Variants in EDN1 observed in about 807,000 individuals in gnomAD.
EDN1 encodes endothelin-1.
A neutral mutation model predicts 21.7 loss-of-function variants in EDN1; 11 were observed. That is an observed-to-expected ratio of 0.51 (90% CI 0.32 to 0.84). EDN1 has a LOEUF of 0.84. Among genes scored for constraint, EDN1 ranks in the 40% least tolerant of loss-of-function variants. EDN1 has a pLI of 0.03. For synonymous variants in EDN1, 85 were observed against 90.6 expected, an observed-to-expected ratio of 0.94 and a Z score of 0.35; for missense variants, 244 against 262.3, an observed-to-expected ratio of 0.93 and a Z score of 0.48.
the EDN1 span, among the ~76,000 whole-genome samples, chr6:12,244,197 T>A: frequency 6.6e-6 from 1 of 152,144 alleles, no homozygotes; most frequent in Non-Finnish European, 1.5e-5. Context: ...CAATACAAAT[T>A]AAATAAATTA....
chr6:12,275,734 T>C, the EDN1 span, among the ~76,000 whole-genome samples: 2 of 152,126 alleles, frequency 1.3e-5, no homozygotes, highest in African/African-American at 4.8e-5. Flanking sequence ...TCTCCCTTCT[T>C]AATTAGCTGG....
chr6:12,268,140 C>T, the EDN1 span, among the ~76,000 whole-genome samples: 1 of 152,126 alleles, frequency 6.6e-6, no homozygotes, highest in Admixed American at 6.5e-5. Flanking sequence ...TTAATGTTTT[C>T]CTACCTGCTA....
At chr6:12,295,109 T>G (rs996367748) in intron 4 of EDN1, among the ~76,000 whole-genome samples, 1 of 152,140 alleles carries the variant, frequency 6.6e-6, no homozygotes, top group Non-Finnish European at 1.5e-5. Flanking sequence ...CTTTTTGGAA[T>G]TCACAAGCTC....
At chr6:12,287,488 C>T (rs1241233166), upstream of EDN1, among the ~76,000 whole-genome samples, 1 of 152,010 alleles carries the variant, frequency 6.6e-6, no homozygotes, top group East Asian at 1.9e-4. Flanking sequence ...TGGGAGGCTG[C>T]CTGGCAGTGC....
chr6:12,285,419 C>A (rs913499373), upstream of EDN1, among the ~76,000 whole-genome samples: 3 of 152,060 alleles, frequency 2.0e-5, no homozygotes, highest in African/African-American at 7.2e-5. Context: ...TGAAAGTTAT[C>A]TTGAAAGTAA....
intron 1 of EDN1, among the ~76,000 whole-genome samples, 165 bp from the exon 2 acceptor site, chr6:12,292,176 G>A (rs1181828750): frequency 1.3e-5 from 2 of 152,164 alleles, no homozygotes; most frequent in African/African-American, 4.8e-5. Flanking sequence ...TCATGTTAAG[G>A]AGGGAAAAAA....
At chr6:12,250,425 A>T in the EDN1 span, among the ~76,000 whole-genome samples, 1 of 152,170 alleles carries the variant, frequency 6.6e-6, no homozygotes, top group African/African-American at 2.4e-5. Flanking sequence ...TATCTTCAGA[A>T]TCCATTTATT....
chr6:12,244,461 G>A, the EDN1 span, among the ~76,000 whole-genome samples: 77 of 152,318 alleles, frequency 5.1e-4, no homozygotes, highest in African/African-American at 1.7e-3. Flanking sequence ...TCAAAGTTTT[G>A]CTTGAAGGTT....
At chr6:12,240,942 A>C in the EDN1 span, among the ~76,000 whole-genome samples, 2 of 152,118 alleles carry the variant, frequency 1.3e-5, no homozygotes, top group South Asian at 4.1e-4. Context: ...AGGGAGATGG[A>C]ACATCAAGGT....
the EDN1 span, among the ~76,000 whole-genome samples, chr6:12,234,073 T>A: frequency 6.6e-6 from 1 of 152,224 alleles, no homozygotes; most frequent in Non-Finnish European, 1.5e-5. Flanking sequence ...CCTATACATC[T>A]GTATCAGGGT....
chr6:12,287,177 T>TG (rs1762569933), upstream of EDN1, among the ~76,000 whole-genome samples: 1 of 135,552 alleles, frequency 7.4e-6, no homozygotes, highest in African/African-American at 3.1e-5. Flanking sequence ...AACTTTCTAT[T>TG]GGGGAAAAAA....
the EDN1 span, among the ~76,000 whole-genome samples, chr6:12,258,449 C>CTAAAA: frequency 1.6e-5 from 1 of 63,658 alleles, no homozygotes; most frequent in Non-Finnish European, 3.1e-5. Context: ...GATCATGTCT[C>CTAAAA]AAAAAAAAAA....
chr6:12,277,821 C>A, the EDN1 span, among the ~76,000 whole-genome samples: 1 of 152,196 alleles, frequency 6.6e-6, no homozygotes, highest in Non-Finnish European at 1.5e-5. Context: ...GGAAATGGAA[C>A]CTGGGGAATG....
the EDN1 span, among the ~76,000 whole-genome samples, chr6:12,250,391 G>A: frequency 6.6e-6 from 1 of 152,104 alleles, no homozygotes; most frequent in Non-Finnish European, 1.5e-5. Context: ...TAAAGGTTTT[G>A]CAGGATAATT....
the EDN1 span, among the ~76,000 whole-genome samples, chr6:12,284,660 GAA>G: frequency 7.3e-6 from 1 of 136,972 alleles, no homozygotes; most frequent in African/African-American, 2.9e-5. Flanking sequence ...AAGGGAGAAA[GAA>G]AAAGAGAGAA....
At chr6:12,255,061 T>C in the EDN1 span, among the ~76,000 whole-genome samples, 1 of 152,202 alleles carries the variant, frequency 6.6e-6, no homozygotes, top group Non-Finnish European at 1.5e-5. Context: ...TTCAGATAAA[T>C]TGTTCCGTGG....
Position 12,294,304 on chromosome 6 carries a change from G to T in EDN1, c.433G>T (p.Gly145Ter). 1 of 1,614,208 alleles carries T rather than the reference G, an allele frequency of 6.2e-7. No homozygotes were observed. Reference protein sequence around the residue: ...MEKDWNNHKKGKDCSKLGKKC... With the variant: ...MEKDWNNHKK ...GAAAGACTGGAATAATCATAAGAAA[G>T]GAAAAGACTGTTCCAAGCTTGGGAA... The change falls in exon 4 of 5, where the codon GGA becomes TGA. Residue 145 changes from glycine to a stop codon, truncating the protein, a stop_gained. Coordinates refer to ENST00000379375, the MANE Select transcript of EDN1 (RefSeq NM_001955.5). LOFTEE classifies it high-confidence loss of function.
the EDN1 span, among the ~76,000 whole-genome samples, chr6:12,253,787 G>C: frequency 1.6e-3 from 243 of 152,110 alleles, 3 homozygotes; most frequent in African/African-American, 5.7e-3. Flanking sequence ...TCTAAGTGAG[G>C]GTATTGTCCT....
At chr6:12,265,754 G>A in the EDN1 span, among the ~76,000 whole-genome samples, 1 of 152,154 alleles carries the variant, frequency 6.6e-6, no homozygotes, top group African/African-American at 2.4e-5. Flanking sequence ...AGTTATATGT[G>A]TTGTTTAGTC....
Sources: allele counts gnomAD v4.1 joint callset (sites outside exome capture counted in the v4.1 genomes callset), GRCh38; gene constraint gnomAD v4.1.1; transcripts MANE v1.5; gene names NCBI Gene and HGNC (gene_info 2026-07-23, HGNC 2026-07-21).